The following ARLN variants were observed in gnomAD, a reference collection of about 807,000 sequenced individuals.
The protein encoded by ARLN is sarcoplasmic/endoplasmic reticulum calcium ATPase regulator ARLN.
At chr4:119,300,380 G>T in the ARLN span, 2 of 1,613,216 alleles carry the variant, frequency 1.2e-6, no homozygotes, top group Non-Finnish European at 1.7e-6. Flanking sequence ...CATCGAAAAG[G>T]ATGAAAAGCC....
chr4:119,300,760 G>A, the ARLN span: 6 of 1,490,388 alleles, frequency 4.0e-6, no homozygotes, highest in East Asian at 2.5e-5. Context: ...CCTCCGCCTT[G>A]ACACTAAGTC....
At chr4:119,299,958 A>G in the ARLN span, among the ~76,000 whole-genome samples, 1 of 152,108 alleles carries the variant, frequency 6.6e-6, no homozygotes, top group African/African-American at 2.4e-5. Flanking sequence ...TACGATCTCA[A>G]TCTTCACTAC....
chr4:119,301,801 A>G, the ARLN span, among the ~76,000 whole-genome samples: 13 of 152,212 alleles, frequency 8.5e-5, no homozygotes, highest in Non-Finnish European at 1.6e-4. Flanking sequence ...AAAGCCTAAA[A>G]TTAACTCCAA....
chr4:119,300,518 C>G, the ARLN span: 1 of 1,614,174 alleles, frequency 6.2e-7, no homozygotes, highest in East Asian at 2.2e-5. Flanking sequence ...CATCAACACC[C>G]GGTGCGTCCA....
chr4:119,304,428 A>G, the ARLN span: 1 of 1,534,664 alleles, frequency 6.5e-7, no homozygotes, highest in Non-Finnish European at 8.7e-7. Context: ...TAATGGGGCT[A>G]TTTATTAGAC....
At chr4:119,300,654 C>T in the ARLN span, 3 of 1,560,980 alleles carry the variant, frequency 1.9e-6, no homozygotes, top group Admixed American at 3.8e-5. Flanking sequence ...GCGCCGCGCC[C>T]CGGGTTCCGG....
chr4:119,297,836 G>A, the ARLN span: 1 of 152,468 alleles, frequency 6.6e-6, no homozygotes, highest in Non-Finnish European at 1.5e-5. Flanking sequence ...AATACTAGCT[G>A]ATCAACCCTA....
At chr4:119,300,434 A>G in the ARLN span, 3 of 1,613,956 alleles carry the variant, frequency 1.9e-6, no homozygotes, top group Admixed American at 3.3e-5. Context: ...CATTTGCCCC[A>G]GACTGAGGCC....
the ARLN span, among the ~76,000 whole-genome samples, chr4:119,300,066 AG>A: frequency 2.0e-5 from 3 of 152,056 alleles, no homozygotes; most frequent in Non-Finnish European, 2.9e-5. Context: ...ATGGTGCTGC[AG>A]GAACTCAAGC....
the ARLN span, chr4:119,304,202 A>G: frequency 4.9e-6 from 7 of 1,439,592 alleles, no homozygotes; most frequent in African/African-American, 1.4e-5. Flanking sequence ...TTCCTTCACT[A>G]CAATTCACAT....
the ARLN span, chr4:119,297,380 G>A: frequency 6.6e-6 from 1 of 152,218 alleles, no homozygotes. Flanking sequence ...ATTCATATAT[G>A]CTGAATGCAA....
At chr4:119,302,464 C>T in the ARLN span, among the ~76,000 whole-genome samples, 1 of 152,208 alleles carries the variant, frequency 6.6e-6, no homozygotes, top group African/African-American at 2.4e-5. Context: ...TGATTTTGAA[C>T]TACTGGCCTC....
At chr4:119,297,123 T>G in the ARLN span, 1 of 152,270 alleles carries the variant, frequency 6.6e-6, no homozygotes, top group Non-Finnish European at 1.5e-5. Flanking sequence ...GTTGATTTGG[T>G]AAACTCAGTG....
the ARLN span, chr4:119,297,936 C>T: frequency 6.6e-6 from 1 of 152,478 alleles, no homozygotes; most frequent in Non-Finnish European, 1.5e-5. Context: ...TTGTTTTGTT[C>T]ACTGCTGTGT....
chr4:119,299,447 A>G, the ARLN span, among the ~76,000 whole-genome samples: 2 of 152,240 alleles, frequency 1.3e-5, no homozygotes, highest in Non-Finnish European at 2.9e-5. Flanking sequence ...AATCAACTCC[A>G]AAGTCCAGGA....
At chr4:119,300,877 C>G in the ARLN span, 1 of 1,322,130 alleles carries the variant, frequency 7.6e-7, no homozygotes, top group Non-Finnish European at 1.0e-6. Context: ...CCAGTCCAGT[C>G]AGGTGATGGA....
chr4:119,299,096 C>A, the ARLN span, among the ~76,000 whole-genome samples: 2 of 152,142 alleles, frequency 1.3e-5, no homozygotes, highest in African/African-American at 4.8e-5. Flanking sequence ...CCCCTGCCAC[C>A]CCTTTTTTTG....
the ARLN span, among the ~76,000 whole-genome samples, chr4:119,302,621 C>A: frequency 3.3e-4 from 50 of 152,300 alleles, no homozygotes; most frequent in African/African-American, 1.0e-3. Flanking sequence ...CATGCAATAC[C>A]TCGGCACTTG....
the ARLN span, chr4:119,297,183 A>G: frequency 1.4e-4 from 21 of 152,342 alleles, no homozygotes; most frequent in Middle Eastern, 3.4e-3. Flanking sequence ...CCTTCCATAG[A>G]TGGTTCTCTT....
Sources: allele counts gnomAD v4.1 joint callset (sites outside exome capture counted in the v4.1 genomes callset), GRCh38; gene constraint gnomAD v4.1.1; transcripts MANE v1.5; gene names NCBI Gene and HGNC (gene_info 2026-07-23, HGNC 2026-07-21).